The following LAMB1 variants were observed in gnomAD, a reference collection of about 807,000 sequenced individuals.
The protein encoded by LAMB1 is laminin subunit beta 1.
LAMB1 carries 121 observed loss-of-function variants against 222.3 expected under a neutral mutation model. The ratio of observed to expected loss-of-function variants is 0.54; its 90% CI spans 0.47 to 0.63. The LOEUF (loss-of-function observed/expected upper bound fraction) is 0.63, where lower values mean the gene tolerates loss of function less well. Ranked by LOEUF, LAMB1 falls within the 30% of genes least tolerant of loss-of-function variation. The pLI is 0.00. For synonymous variants in LAMB1, 794 were observed against 807.2 expected (o/e 0.98, Z 0.28); for missense variants, 2,172 against 2,240.8 (o/e 0.97, Z 0.62).
chr7:107,926,914 G>A (rs2032580107), intron 31 of LAMB1, among the ~76,000 whole-genome samples: 1 of 151,934 alleles, frequency 6.6e-6, no homozygotes, highest in African/African-American at 2.4e-5. Context: ...AATACACAAA[G>A]TTATTTAGGG....
At chr7:107,929,777 T>TAATAATAC in intron 29 of LAMB1, 158 bp from the exon 30 acceptor site, 1 of 595,384 alleles carries the variant, frequency 1.7e-6, no homozygotes, top group Non-Finnish European at 2.9e-6. Context: ...TCTGGGATTT[T>TAATAATAC]GAGGGGAGAT....
At chr7:107,925,782 T>C (rs2032547868) in intron 32 of LAMB1, among the ~76,000 whole-genome samples, 1 of 152,090 alleles carries the variant, frequency 6.6e-6, no homozygotes, top group African/African-American at 2.4e-5. Flanking sequence ...TGTTCCAACC[T>C]GCTTGTAAAA....
intron 12 of LAMB1, among the ~76,000 whole-genome samples, 160 bp downstream of exon 12, chr7:107,974,826 A>T (rs2033818863): frequency 6.6e-6 from 1 of 152,234 alleles, no homozygotes; most frequent in Non-Finnish European, 1.5e-5. Flanking sequence ...CATCTTGTGA[A>T]ATCATCCATT....
chr7:107,939,138 G>A (rs1018575994), intron 25 of LAMB1, among the ~76,000 whole-genome samples: 3 of 152,224 alleles, frequency 2.0e-5, no homozygotes, highest in Admixed American at 6.5e-5. Context: ...GGGAAGCACA[G>A]ATGCCTCATA....
intron 5 of LAMB1, among the ~76,000 whole-genome samples, chr7:107,986,982 A>G (rs1433685462): frequency 6.6e-6 from 1 of 152,234 alleles, no homozygotes; most frequent in African/African-American, 2.4e-5. Context: ...CAGGAACTCA[A>G]ACAGACACTT....
chr7:107,966,286 C>A (rs562349952), intron 13 of LAMB1, among the ~76,000 whole-genome samples: 1 of 151,956 alleles, frequency 6.6e-6, no homozygotes, highest in Non-Finnish European at 1.5e-5. Context: ...TCTCGGTTCA[C>A]TGCAACCTCC....
At chr7:107,974,108 C>G (rs1035803909) in intron 12 of LAMB1, among the ~76,000 whole-genome samples, 1 of 151,906 alleles carries the variant, frequency 6.6e-6, no homozygotes, top group African/African-American at 2.4e-5. Context: ...CAGAAATCTC[C>G]TTTAAGAATA....
chr7:107,993,460 C>T (rs2034224178), intron 5 of LAMB1, among the ~76,000 whole-genome samples: 1 of 152,086 alleles, frequency 6.6e-6, no homozygotes, highest in Non-Finnish European at 1.5e-5. Flanking sequence ...CTGCATGTCT[C>T]AGTTCAATCA....
Position 107,961,550 on chromosome 7 carries a change from T to C in LAMB1, c.1984A>G (p.Arg662Gly). 6.2e-7 allele frequency: 1 copy of C among 1,613,352 alleles called. No homozygotes were observed. Among genetic ancestry groups the C allele is most frequent in the Non-Finnish European group, 8.5e-7 (1 of 1,179,306 alleles). ...CTGCCAAACCACCGTCACACTGACC[T>C]TGAGCCTGGTGATAATGACACCACC... ...NQVVSLSPGSRYVVLPRPVCF... is the reference protein window; with the variant it reads ...NQVVSLSPGSGYVVLPRPVCF... The change falls in exon 16 of 34, where the codon AGA becomes GGA. Residue 662 changes from arginine (R) to glycine (G), a missense_variant and splice_region_variant. Coordinates refer to ENST00000222399, the MANE Select transcript of LAMB1 (RefSeq NM_002291.3).
rs745500256 is a variant in LAMB1, at chr7:107,986,335, T to A, written c.452A>T (p.Glu151Val). The change falls in exon 6 of 34, where the codon GAA becomes GTA. Residue 151 changes from glutamate (E) to valine (V), a missense_variant. Coordinates refer to ENST00000222399, the MANE Select transcript of LAMB1 (RefSeq NM_002291.3). ...KTFRPAAMLI[E>V]RSSDFGKTWG... ...GGTTTTCCCAAAGTCGGACGATCGT[T>A]CTATCAGCATAGCAGCTGGACGGAA... is the stretch of plus-strand genomic sequence containing the variant. The A allele has an allele frequency of 6.2e-7, 1 of 1,606,908 alleles. No individual in the cohort carries two copies. The highest frequency in any genetic ancestry group is 8.5e-7 in the Non-Finnish European group (1 of 1,174,474).
In LAMB1 at chr7:107,926,316, G is replaced by A. The variant is rs1240154537; in HGVS notation, c.4931C>T (p.Ala1644Val). Reference sequence around the variant, plus strand: ...CTCTAACTCGCTGATGCGCTGGGACGCGTTGAACAAGGTTTCCTCAGAAGC... The same window carrying A: ...CTCTAACTCGCTGATGCGCTGGGACACGTTGAACAAGGTTTCCTCAGAAGC... ...TAASEETLFN[A>V]SQRISELERN... Residue 1644 changes from alanine (A) to valine (V), a missense_variant, in exon 32 of 34, where the codon GCG becomes GTG. Physicochemically the swap from Ala to Val is moderately conservative, Grantham distance 64. Transcript: ENST00000222399. 5.6e-6 allele frequency: 9 copies of A among 1,613,844 alleles called. No homozygotes were observed. The highest frequency in any genetic ancestry group is 1.6e-4 in the Middle Eastern group (1 of 6,062).
At chr7:107,975,575 CA>C in intron 10 of LAMB1, 113 bp downstream of exon 10, 3 of 1,272,216 alleles carry the variant, frequency 2.4e-6, no homozygotes, top group Non-Finnish European at 3.3e-6. Context: ...ACTGCAATTA[CA>C]ATAACAATGC....
intron 24 of LAMB1, among the ~76,000 whole-genome samples, chr7:107,949,372 A>G (rs1056427074): frequency 1.1e-4 from 16 of 152,224 alleles, no homozygotes; most frequent in African/African-American, 3.9e-4. Context: ...AGAGAAAGCT[A>G]TTTTGCCAAT....
chr7:107,971,209 G>C (rs1166834649), intron 13 of LAMB1, among the ~76,000 whole-genome samples: 1 of 152,166 alleles, frequency 6.6e-6, no homozygotes, highest in East Asian at 1.9e-4. Context: ...ACTAAGGAGT[G>C]TCTGGGATCA....
intron 9 of LAMB1, among the ~76,000 whole-genome samples, chr7:107,976,572 C>T (rs1421344695): frequency 1.3e-5 from 2 of 152,172 alleles, no homozygotes; most frequent in African/African-American, 4.8e-5. Flanking sequence ...TCCTGAGCCT[C>T]TGCACTCCAG....
At position 107,948,488 on chromosome 7, in the gene LAMB1, G is replaced by A. The variant is rs115927837; in HGVS notation, c.3391+2738C>T. Among the ~76,000 whole-genome samples, 806 of 152,172 alleles carry A rather than the reference G, an allele frequency of 5.3e-3. 10 individuals are homozygous for A. The highest frequency in any genetic ancestry group is 0.019 in the African/African-American group (782 of 41,520). On this transcript the variant is annotated intron_variant, in intron 24 of 33. Transcript: ENST00000222399. ...TCTAGAACCTGGAAGTATCTCTTAG[G>A]GTATTTTCACTTATGCTCACTTGGA...
At chr7:107,932,530 G>A in intron 27 of LAMB1, 153 bp from the exon 28 acceptor site, 1 of 677,892 alleles carries the variant, frequency 1.5e-6, no homozygotes, top group African/African-American at 1.8e-5. Flanking sequence ...ATGGAGAGAG[G>A]AGCAGAGAGT....
chr7:107,925,825 C>T (rs2032548956), intron 32 of LAMB1, among the ~76,000 whole-genome samples: 1 of 150,390 alleles, frequency 6.6e-6, no homozygotes, highest in Admixed American at 6.7e-5. Flanking sequence ...TACTATATGC[C>T]ATGAAGAATT....
intron 13 of LAMB1, among the ~76,000 whole-genome samples, chr7:107,966,454 C>G (rs955957797): frequency 2.0e-5 from 3 of 152,112 alleles, no homozygotes; most frequent in Non-Finnish European, 4.4e-5. Context: ...CGTGATCCAT[C>G]TGCTTCGGTC....
Sources: gnomAD v4.1 joint callset for allele counts (sites outside exome capture counted in the v4.1 genomes callset) on GRCh38, gnomAD v4.1.1 for gene constraint, MANE v1.5 for transcripts, NCBI Gene and HGNC (gene_info 2026-07-23, HGNC 2026-07-21) for gene names.